Variants in PTPRN2 observed in about 807,000 individuals in gnomAD.
The protein encoded by PTPRN2 is receptor-type tyrosine-protein phosphatase N2.
Under a neutral mutation model 118.8 loss-of-function variants are expected in PTPRN2, and 74 were observed. The observed-to-expected ratio is 0.62, with a 90% confidence interval of 0.52 to 0.76. The LOEUF is 0.76. Among genes scored for constraint, PTPRN2 ranks in the 30% least tolerant of loss-of-function variants. The probability of loss-of-function intolerance (pLI) is 0.00; values close to 1 mark genes in which losing one functional copy is unlikely to be tolerated. For missense variants in PTPRN2, 1,481 were observed against 1,394.4 expected (o/e 1.06, Z -0.99); for synonymous variants, 641 against 608.0 (o/e 1.05, Z -0.80).
intron 2 of PTPRN2, among the ~76,000 whole-genome samples, chr7:158,351,386 C>G (rs1362861933): frequency 1.3e-5 from 2 of 152,192 alleles, no homozygotes; most frequent in African/African-American, 2.4e-5. Flanking sequence ...TGGGCACAGT[C>G]TAAGCCCAGG....
At chr7:157,937,927 C>T (rs1799819866) in intron 11 of PTPRN2, among the ~76,000 whole-genome samples, 2 of 125,066 alleles carry the variant, frequency 1.6e-5, no homozygotes, top group African/African-American at 7.9e-5. Flanking sequence ...GTGACATGTT[C>T]CCCATCTCTC....
At chr7:158,314,686 A>G (rs1802145674) in intron 3 of PTPRN2, among the ~76,000 whole-genome samples, 1 of 115,686 alleles carries the variant, frequency 8.6e-6, no homozygotes, top group African/African-American at 3.2e-5. Flanking sequence ...CGTTTCTCTC[A>G]ACCCGCAGTT....
At chr7:157,835,545 G>A (rs556248175) in intron 12 of PTPRN2, among the ~76,000 whole-genome samples, 4 of 152,176 alleles carry the variant, frequency 2.6e-5, no homozygotes, top group Non-Finnish European at 4.4e-5. Flanking sequence ...TCCTAAGGAT[G>A]GGGGAGAGTT....
chr7:157,576,466 C>T, intron 19 of PTPRN2, 147 bp downstream of exon 19: 3 of 821,228 alleles, frequency 3.7e-6, no homozygotes, highest in South Asian at 2.0e-5. Flanking sequence ...GGAGTCTTCC[C>T]GCCTCTCGCT....
At chr7:157,811,047 G>A (rs955769429) in intron 12 of PTPRN2, among the ~76,000 whole-genome samples, 15 of 152,028 alleles carry the variant, frequency 9.9e-5, no homozygotes, top group African/African-American at 2.7e-4. Context: ...CAAGGCAGGC[G>A]GATCACGAAG....
In PTPRN2 at chr7:157,550,482, C is replaced by A. The variant is rs778374172; in HGVS notation, c.2903-1463G>T. Among the ~76,000 whole-genome samples the A allele has an allele frequency of 2.6e-5, 4 of 152,224 alleles. No individual in the cohort carries two copies. The highest frequency in any genetic ancestry group is 5.9e-5 in the Non-Finnish European group (4 of 68,028). On this transcript the variant is annotated intron_variant, in intron 21 of 22. Transcript: ENST00000389418. The surrounding 1 kb of genome is among the most constrained non-coding windows in gnomAD (Gnocchi z 5.2). Reference sequence around the variant, plus strand: ...GGCTGTCAGGACAGCCCCACAGCGGCTCCACCAGGGAGGCCGGGCGCGAGA... The same window carrying A: ...GGCTGTCAGGACAGCCCCACAGCGGATCCACCAGGGAGGCCGGGCGCGAGA...
intron 10 of PTPRN2, among the ~76,000 whole-genome samples, chr7:158,097,801 T>C (rs1814761428): frequency 6.6e-6 from 1 of 152,244 alleles, no homozygotes; most frequent in Non-Finnish European, 1.5e-5. Context: ...AATAATGGGA[T>C]TTATGTGACA....
intron 12 of PTPRN2, chr7:157,739,160 C>A (rs1360126962): frequency 2.0e-5 from 3 of 152,208 alleles, no homozygotes; most frequent in Non-Finnish European, 4.4e-5. Context: ...GGGGGACTCA[C>A]CCAAGGTCAC....
chr7:157,901,256 C>G (rs10258295), intron 11 of PTPRN2, among the ~76,000 whole-genome samples: 28,628 of 152,146 alleles, frequency 0.19, 2,992 homozygotes, highest in Admixed American at 0.32. Context: ...CCCTCCCCCA[C>G]ATCCAAAGCC....
chr7:157,657,096 C>G (rs1795536883), intron 13 of PTPRN2, among the ~76,000 whole-genome samples: 1 of 49,952 alleles, frequency 2.0e-5, no homozygotes, highest in South Asian at 7.8e-4. Context: ...ACACATACGC[C>G]ACACACACAC....
intron 1 of PTPRN2, among the ~76,000 whole-genome samples, chr7:158,540,588 C>G (rs559178152): frequency 6.6e-6 from 1 of 152,168 alleles, no homozygotes; most frequent in Non-Finnish European, 1.5e-5. Flanking sequence ...CCCCAACACG[C>G]GTACCCTCCA....
intron 11 of PTPRN2, among the ~76,000 whole-genome samples, chr7:158,070,650 TGGTG>T: frequency 8.3e-6 from 1 of 119,996 alleles, no homozygotes; most frequent in African/African-American, 3.7e-5. Context: ...GTGCCCATGG[TGGTG>T]GAGGTGCTCC....
At chr7:158,230,381 G>A (rs974612914) in intron 3 of PTPRN2, among the ~76,000 whole-genome samples, 2 of 152,116 alleles carry the variant, frequency 1.3e-5, no homozygotes, top group Non-Finnish European at 2.9e-5. Context: ...TAATTGTGGG[G>A]TGCAATCCAC....
chr7:157,731,951 C>T (rs1159593709), intron 12 of PTPRN2, among the ~76,000 whole-genome samples: 1 of 69,236 alleles, frequency 1.4e-5, no homozygotes, highest in Non-Finnish European at 3.3e-5. Context: ...TCCCATGCGC[C>T]CAGCACAGTT....
chr7:158,330,802 C>T (rs1322819222), intron 2 of PTPRN2, among the ~76,000 whole-genome samples: 1 of 114,200 alleles, frequency 8.8e-6, no homozygotes, highest in African/African-American at 2.9e-5. Flanking sequence ...CACACTCTCA[C>T]CATAAGAGCT....
intron 3 of PTPRN2, among the ~76,000 whole-genome samples, chr7:158,230,030 A>G (rs550682063): frequency 6.6e-6 from 1 of 152,344 alleles, no homozygotes; most frequent in East Asian, 1.9e-4. Context: ...AGCAGCTCTC[A>G]TTTGTCTGGC....
intron 12 of PTPRN2, among the ~76,000 whole-genome samples, chr7:157,867,025 C>T (rs112844405): frequency 0.014 from 402 of 29,598 alleles, no homozygotes; most frequent in Admixed American, 0.038. Flanking sequence ...CCTGGATACA[C>T]GGCCACCTGG....
intron 2 of PTPRN2, among the ~76,000 whole-genome samples, chr7:158,388,564 G>C (rs553068256): frequency 6.9e-4 from 105 of 152,340 alleles, no homozygotes; most frequent in Non-Finnish European, 1.3e-3. Flanking sequence ...GGGTGCACCA[G>C]GCTCCCTGCA....
intron 5 of PTPRN2, among the ~76,000 whole-genome samples, chr7:158,191,075 T>C (rs560343408): frequency 6.6e-6 from 1 of 152,354 alleles, no homozygotes; most frequent in East Asian, 1.9e-4. Context: ...TGGTGCAAGG[T>C]TCCAGGAAGC....
Sources: gnomAD v4.1 joint callset for allele counts (sites outside exome capture counted in the v4.1 genomes callset) on GRCh38, gnomAD v4.1.1 for gene constraint, Gnocchi (gnomAD v3.1) non-coding constraint, MANE v1.5 for transcripts, NCBI Gene and HGNC (gene_info 2026-07-23, HGNC 2026-07-21) for gene names.